CUX1: variants seen among roughly 807,000 people sequenced by gnomAD.
The protein encoded by CUX1 is cut like homeobox 1.
CUX1 carries 31 observed loss-of-function variants against 158.8 expected under a neutral mutation model. The ratio of observed to expected loss-of-function variants is 0.20; its 90% CI spans 0.15 to 0.26. CUX1 has a LOEUF of 0.26. Among genes scored for constraint, CUX1 ranks in the 10% least tolerant of loss-of-function variants. CUX1 has a pLI of 1.00. For missense variants in CUX1, 1,589 were observed against 2,014.6 expected (o/e 0.79, Z 4.04); for synonymous variants, 879 against 862.1 (o/e 1.02, Z -0.34).
At chr7:102,030,692 T>G (rs79715219) in intron 3 of CUX1, among the ~76,000 whole-genome samples, 1 of 62,414 alleles carries the variant, frequency 1.6e-5, no homozygotes, top group Non-Finnish European at 2.9e-5. Context: ...TTAAAAAGTG[T>G]TTTTTTTTTT....
intron 1 of CUX1, among the ~76,000 whole-genome samples, chr7:101,842,920 T>TG (rs1795319112): frequency 6.9e-6 from 1 of 145,890 alleles, no homozygotes; most frequent in Admixed American, 6.9e-5. Context: ...TCGCCCAGGC[T>TG]GGAGTGCAGT....
chr7:102,026,162 G>C (rs1009685347), intron 2 of CUX1, among the ~76,000 whole-genome samples: 1 of 152,052 alleles, frequency 6.6e-6, no homozygotes, highest in Non-Finnish European at 1.5e-5. Context: ...CTGGATGACA[G>C]AGCAAGACCC....
intron 9 of CUX1, among the ~76,000 whole-genome samples, chr7:102,160,420 G>T (rs1487020122): frequency 6.6e-6 from 1 of 152,014 alleles, no homozygotes; most frequent in Non-Finnish European, 1.5e-5. Context: ...GGTCTCAGAG[G>T]CAGTCCCCAG....
chr7:102,107,856 G>A (rs1830520756), intron 6 of CUX1, among the ~76,000 whole-genome samples: 1 of 152,234 alleles, frequency 6.6e-6, no homozygotes, highest in Non-Finnish European at 1.5e-5. Flanking sequence ...CCGGACCAAG[G>A]CCAGTCCCTT....
intron 2 of CUX1, among the ~76,000 whole-genome samples, chr7:102,022,623 AAAAAAGAAAAG>A (rs1413866858): frequency 3.3e-5 from 5 of 152,020 alleles, no homozygotes; most frequent in Non-Finnish European, 2.9e-5. Context: ...CAAAAAAAAA[AAAAAAGAAAAG>A]AAAAAGAAAA....
chr7:102,137,363 C>T (rs1205785628), intron 8 of CUX1, among the ~76,000 whole-genome samples: 4 of 152,110 alleles, frequency 2.6e-5, no homozygotes, highest in Non-Finnish European at 4.4e-5. Context: ...AGGTTGGGCG[C>T]GGTGGCTCAC....
At chr7:101,913,532 C>A (rs1803758930) in intron 1 of CUX1, 1 of 564,164 alleles carries the variant, frequency 1.8e-6, no homozygotes, top group East Asian at 1.2e-4. Flanking sequence ...CAGGTGGGGA[C>A]CGAGGGGGAC....
chr7:102,060,965 C>T (rs1389419319), intron 3 of CUX1, among the ~76,000 whole-genome samples: 1 of 133,836 alleles, frequency 7.5e-6, no homozygotes, highest in African/African-American at 3.1e-5. Flanking sequence ...CTCACTCTAG[C>T]CCAGGCTAGA....
intron 1 of CUX1, among the ~76,000 whole-genome samples, chr7:101,857,203 CTGAT>C (rs1362930813): frequency 1.3e-5 from 2 of 152,236 alleles, no homozygotes; most frequent in African/African-American, 4.8e-5. Context: ...CTCTGCTTAT[CTGAT>C]TGGGGGCTGT....
intron 2 of CUX1, among the ~76,000 whole-genome samples, chr7:102,008,013 G>A (rs1000452932): frequency 2.6e-5 from 4 of 152,228 alleles, no homozygotes; most frequent in Admixed American, 6.5e-5. Context: ...CCAAAGTGCT[G>A]GGATTACAGG....
intron 20 of CUX1, among the ~76,000 whole-genome samples, chr7:102,214,455 T>A (rs1419060616): frequency 6.6e-6 from 1 of 152,186 alleles, no homozygotes; most frequent in Admixed American, 6.5e-5. Flanking sequence ...GCCCAGGAGT[T>A]GAATCAGCAA....
At chr7:102,132,292 A>AGT (rs782562542) in intron 8 of CUX1, among the ~76,000 whole-genome samples, 33,441 of 103,294 alleles carry the variant, frequency 0.32, 4,753 homozygotes, top group Non-Finnish European at 0.36. Context: ...TGAGAGAGAG[A>AGT]GTGTGTGTGT....
chr7:101,856,268 T>A (rs1796808903), intron 1 of CUX1, among the ~76,000 whole-genome samples: 1 of 151,912 alleles, frequency 6.6e-6, no homozygotes, highest in South Asian at 2.1e-4. Context: ...GCACAAGTTT[T>A]CAGCCATCAA....
intron 2 of CUX1, among the ~76,000 whole-genome samples, chr7:101,953,770 G>A (rs1276290101): frequency 6.6e-6 from 1 of 151,802 alleles, no homozygotes; most frequent in Non-Finnish European, 1.5e-5. Flanking sequence ...CTGGAGGGTT[G>A]AAGGGGAAGC....
intron 1 of CUX1, among the ~76,000 whole-genome samples, chr7:101,844,607 G>T (rs181698711): frequency 6.6e-6 from 1 of 151,848 alleles, no homozygotes; most frequent in African/African-American, 2.4e-5. Flanking sequence ...CCTTGTCATC[G>T]TTCTTCTTTT....
chr7:102,278,715 AAAATAAAATAATAAT>A (rs1210927490), intron 18 of CUX1, among the ~76,000 whole-genome samples: 50 of 147,402 alleles, frequency 3.4e-4, no homozygotes, highest in African/African-American at 1.2e-3. Context: ...ATAGTAAAGT[AAAATAAAATAATAAT>A]AAATAAAATA....
At chr7:101,980,938 T>C (rs936790222) in intron 2 of CUX1, among the ~76,000 whole-genome samples, 1 of 152,198 alleles carries the variant, frequency 6.6e-6, no homozygotes, top group Admixed American at 6.5e-5. Context: ...GGATGCTCTT[T>C]CCCCCTTTAG....
chr7:101,887,131 G>C (rs1800309898), intron 1 of CUX1, among the ~76,000 whole-genome samples: 1 of 152,172 alleles, frequency 6.6e-6, no homozygotes, highest in Non-Finnish European at 1.5e-5. Context: ...GGACAGTTTT[G>C]CAGGGACGGT....
chr7:102,121,294 A>G (rs1210947336), intron 8 of CUX1, among the ~76,000 whole-genome samples: 1 of 150,938 alleles, frequency 6.6e-6, no homozygotes, highest in Non-Finnish European at 1.5e-5. Context: ...CAGCTGCTGG[A>G]GGAGCTGGGA....
Sources: allele counts gnomAD v4.1 joint callset (sites outside exome capture counted in the v4.1 genomes callset), GRCh38; gene constraint gnomAD v4.1.1; transcripts MANE v1.5; gene names NCBI Gene and HGNC (gene_info 2026-07-23, HGNC 2026-07-21).